The following DLX5 variants were observed in gnomAD, a reference collection of about 807,000 sequenced individuals.
The protein encoded by DLX5 is distal-less homeobox 5, also known as homeobox protein DLX-5.
In DLX5, 8 loss-of-function variants were observed where a neutral mutation model predicts 27.1. The observed-to-expected ratio is 0.30, with a 90% confidence interval of 0.17 to 0.53. The LOEUF is 0.53. DLX5 is among the 20% of genes least tolerant of loss of function. The pLI, the probability that DLX5 is intolerant of heterozygous loss-of-function variation, is 0.95. For synonymous variants in DLX5, 178 were observed against 161.9 expected, an observed-to-expected ratio of 1.10 and a Z score of -0.75; for missense variants, 339 against 375.1, an observed-to-expected ratio of 0.90 and a Z score of 0.80.
Position 97,024,693 on chromosome 7 carries a change from GC to G in DLX5, c.-71del. Reference sequence around the variant, plus strand: ...GGCAGCTGCCCTAGTTGGCTGTGGGGCTGCTCTGGTCTAAGCAGACATGGCT... The same window carrying G: ...GGCAGCTGCCCTAGTTGGCTGTGGGGTGCTCTGGTCTAAGCAGACATGGCT... On this transcript the variant is annotated 5_prime_UTR_variant, in exon 1 of 3. Coordinates refer to ENST00000648378, the MANE Select transcript of DLX5 (RefSeq NM_005221.6). The surrounding 1 kb of genome is among the most constrained non-coding windows in gnomAD (Gnocchi z 4.6). 3 of 1,356,828 alleles carry G rather than the reference GC, an allele frequency of 2.2e-6. No individual in the cohort carries two copies. The South Asian group carries it at 4.0e-5, about 18-fold the overall frequency. 84.0% of individuals were successfully genotyped at this position (1,356,828 alleles called of 1,614,324 possible).
chr7:97,021,868 G>T (rs1193764836), intron 2 of DLX5: 1 of 588,436 alleles, frequency 1.7e-6, no homozygotes, highest in Non-Finnish European at 3.0e-6. Flanking sequence ...AGCTGCTCTG[G>T]GCTGCCTAGG....
At chr7:97,021,807 C>G (rs766069095) in intron 2 of DLX5, among the ~76,000 whole-genome samples, 44 of 152,324 alleles carry the variant, frequency 2.9e-4, no homozygotes, top group Middle Eastern at 3.4e-3. Context: ...CGCGAGAACA[C>G]CAGGCCTTGC....
chr7:97,024,297 G>A lies in DLX5; in HGVS notation c.327C>T (p.Asn109=). Residue 109 remains asparagine, a synonymous_variant, in exon 1 of 3, where the codon AAC becomes AAT. Coordinates refer to ENST00000648378, the MANE Select transcript of DLX5 (RefSeq NM_005221.6). The surrounding 1 kb of genome is among the most constrained non-coding windows in gnomAD (Gnocchi z 4.6). ...SSYHQYGGAY[N]RVPSATNQPE... ...GCTGGTTGGTGGCGCTTGGGACGCG[G>A]TTGTAGGCGCCGCCGTACTGGTGGT... 3 of 1,614,026 alleles carry A rather than the reference G, an allele frequency of 1.9e-6. No homozygotes were observed. The highest frequency in any genetic ancestry group is 1.6e-4 in the Middle Eastern group (1 of 6,062).
rs1460070802 is a variant in DLX5 at position 97,024,580 on chromosome 7, C to T, written c.44G>A (p.Gly15Asp). Residue 15 changes from glycine to aspartate, a missense_variant, in exon 1 of 3, where the codon GGC becomes GAC. Physicochemically the swap from Gly to Asp is moderately conservative, Grantham distance 94. This residue lies in a region of DLX5 where 188 missense variants were observed against 206.1 expected (regional missense o/e 0.91). Transcript: ENST00000648378. This position sits in a 1 kb window ranked among gnomAD's most constrained non-coding sequence, Gnocchi z 4.6. ...FDRRVPSIRS[G>D]DFQAPFQTSA... Reference sequence around the variant, plus strand: ...CGTCTGGAACGGAGCTTGGAAGTCGCCGGATCGGATGCTGGGGACCCTTCT... The same window carrying T: ...CGTCTGGAACGGAGCTTGGAAGTCGTCGGATCGGATGCTGGGGACCCTTCT... 1 of 1,607,520 alleles carries T rather than the reference C, an allele frequency of 6.2e-7. No homozygotes were observed. The highest frequency in any genetic ancestry group is 1.7e-5 in the Admixed American group (1 of 59,868).
Position 97,020,528 on chromosome 7 carries a change from T to G in DLX5, c.*208A>C, listed in dbSNP as rs1299755872. ...TGAGGTCATAGATTTCAAGGCACCATTGAAAGTGTCCACAGTTGCGCAAAA... is the reference window on the plus strand; with the variant it reads ...TGAGGTCATAGATTTCAAGGCACCAGTGAAAGTGTCCACAGTTGCGCAAAA... On this transcript the variant is annotated 3_prime_UTR_variant, in exon 3 of 3. Transcript: ENST00000648378. The G allele has an allele frequency of 4.3e-6, 2 of 459,918 alleles. No homozygotes were observed. The highest frequency in any genetic ancestry group is 7.6e-6 in the Non-Finnish European group (2 of 264,800). 28.5% of individuals were successfully genotyped at this position (459,918 alleles called of 1,614,324 possible).
chr7:97,023,059 T>G (rs925965357), intron 1 of DLX5, among the ~76,000 whole-genome samples: 1 of 149,730 alleles, frequency 6.7e-6, no homozygotes, highest in Non-Finnish European at 1.5e-5. Context: ...CTTCCACTTA[T>G]GCACGGAATA....
At position 97,024,168 on chromosome 7, in the gene DLX5, C is replaced by G. The variant is rs1342999693; in HGVS notation, c.355+101G>C. 4 of 1,125,978 alleles carry G rather than the reference C, an allele frequency of 3.6e-6. No homozygotes were observed. The highest frequency in any genetic ancestry group is 5.0e-6 in the Non-Finnish European group (4 of 802,202). The allele number at this position is 1,125,978 out of a possible 1,614,324, so 69.7% of individuals were successfully genotyped here. On this transcript the variant is annotated intron_variant, in intron 1 of 2. Coordinates refer to ENST00000648378, the MANE Select transcript of DLX5 (RefSeq NM_005221.6). The surrounding 1 kb of genome is among the most constrained non-coding windows in gnomAD (Gnocchi z 4.6). ...TACTCCCTTCTGCCGCGTGCGCCCC[C>G]ACTGCCGTGAACCGCTGTGACCCCC...
intron 1 of DLX5, among the ~76,000 whole-genome samples, chr7:97,023,322 G>A (rs888905977): frequency 2.1e-5 from 3 of 146,054 alleles, no homozygotes; most frequent in African/African-American, 7.8e-5. Flanking sequence ...TGGAACTGAC[G>A]GAGAACCTCT....
rs1177802717 is a variant in DLX5, at chr7:97,024,187, G to A, written c.355+82C>T. ...CGCCCCCACTGCCGTGAACCGCTGTGACCCCCAATCTACCACCCCATCTCG... is the reference window on the plus strand; with the variant it reads ...CGCCCCCACTGCCGTGAACCGCTGTAACCCCCAATCTACCACCCCATCTCG... On this transcript the variant is annotated intron_variant, in intron 1 of 2. Coordinates refer to ENST00000648378, the MANE Select transcript of DLX5 (RefSeq NM_005221.6). The surrounding 1 kb of genome is among the most constrained non-coding windows in gnomAD (Gnocchi z 4.6). The A allele has an allele frequency of 2.2e-6, 3 of 1,363,532 alleles. No individual in the cohort carries two copies. The highest frequency in any genetic ancestry group is 4.5e-5 in the Admixed American group (2 of 44,258). The allele number at this position is 1,363,532 out of a possible 1,614,324, so 84.5% of individuals were successfully genotyped here. A position where few individuals can be genotyped will look rare whatever the true frequency, so the allele number is the denominator to read the frequency against.
rs1251970341 is a variant in DLX5, at chr7:97,021,801, A to AG, written c.540+383dup. ...CTTTTCTTAGCCTGAGACCACCGCG[A>AG]GAACACCAGGCCTTGCTCACCCCCG... On this transcript the variant is annotated intron_variant, in intron 2 of 2. Transcript: ENST00000648378. 2.6e-5 allele frequency among the ~76,000 whole-genome samples: 4 copies of AG among 152,260 alleles called. No individual in the cohort carries two copies. In the South Asian group the frequency reaches 6.2e-4, roughly 24 times the overall value.
intron 1 of DLX5, among the ~76,000 whole-genome samples, chr7:97,022,768 C>A (rs1790097864): frequency 6.6e-6 from 1 of 152,154 alleles, no homozygotes; most frequent in Non-Finnish European, 1.5e-5. Flanking sequence ...AGGAGGTGGC[C>A]CTGGGCCGTG....
chr7:97,022,093 C>T, intron 2 of DLX5, 92 bp downstream of exon 2: 2 of 1,487,224 alleles, frequency 1.3e-6, no homozygotes, highest in Non-Finnish European at 9.3e-7. Context: ...CGGGTACTGT[C>T]AAAACAGCTC....
chr7:97,022,405 A>C lies in DLX5; in HGVS notation c.356-36T>G, dbSNP rs777486759. On this transcript the variant is annotated intron_variant, in intron 1 of 2. Coordinates refer to ENST00000648378, the MANE Select transcript of DLX5 (RefSeq NM_005221.6). ...AAAACAGACTCAGTTAAAGCTTGTC[A>C]CCAGACAATGCCCCTTTTGCGGAAG... 1.9e-6 allele frequency: 3 copies of C among 1,609,604 alleles called. No homozygotes were observed. In the South Asian group the frequency reaches 3.3e-5, roughly 18 times the overall value.
chr7:97,020,658 T>C lies in DLX5; in HGVS notation c.*78A>G, dbSNP rs1790023963. 1 of 1,372,514 alleles carries C rather than the reference T, an allele frequency of 7.3e-7. No homozygotes were observed. Among genetic ancestry groups the C allele is most frequent in the Non-Finnish European group, 9.7e-7 (1 of 1,030,206 alleles). 85.0% of individuals were successfully genotyped at this position (1,372,514 alleles called of 1,614,324 possible). On this transcript the variant is annotated 3_prime_UTR_variant, in exon 3 of 3. Transcript: ENST00000648378. ...TTTCAGTTTTCCGAACTTCCCCATA[T>C]GAATTCCTTTCTTTATGATTTTCTA...
At chr7:97,021,645 G>C (rs976233636) in intron 2 of DLX5, among the ~76,000 whole-genome samples, 1 of 152,156 alleles carries the variant, frequency 6.6e-6, no homozygotes, top group Non-Finnish European at 1.5e-5. Flanking sequence ...AAAGGAATGG[G>C]ACAATCCAGG....
rs889381870 is a variant in DLX5, at chr7:97,020,677, T to C, written c.*59A>G. 2 of 1,432,520 alleles carry C rather than the reference T, an allele frequency of 1.4e-6. No homozygotes were observed. The highest frequency in any genetic ancestry group is 1.9e-6 in the Non-Finnish European group (2 of 1,078,898). The allele number at this position is 1,432,520 out of a possible 1,614,324, so 88.7% of individuals were successfully genotyped here. The stretch of plus-strand genomic sequence containing the variant: ...CCCATATGAATTCCTTTCTTTATGA[T>C]TTTCTAGAACAGCAAAACACAGTAG... On this transcript the variant is annotated 3_prime_UTR_variant, in exon 3 of 3. Coordinates refer to ENST00000648378, the MANE Select transcript of DLX5 (RefSeq NM_005221.6).
chr7:97,023,342 G>A lies in DLX5; in HGVS notation c.355+927C>T, dbSNP rs3779213. 6.6e-3 allele frequency among the ~76,000 whole-genome samples: 378 copies of A among 57,202 alleles called. 10 individuals carry two copies. The East Asian group carries it at 0.14, about 21-fold the overall frequency. The allele number at this position is 57,202 out of a possible 152,430, so 37.5% of individuals were successfully genotyped here. A position where few individuals can be genotyped will look rare whatever the true frequency, so the allele number is the denominator to read the frequency against. ...CTGACGGAGAACCTCTCCAGGGTGT[G>A]TGTGTGTGTGTGTGTGTGTGTGTGT... On this transcript the variant is annotated intron_variant, in intron 1 of 2. Coordinates refer to ENST00000648378, the MANE Select transcript of DLX5 (RefSeq NM_005221.6).
intron 2 of DLX5, among the ~76,000 whole-genome samples, chr7:97,021,284 C>T (rs930728905): frequency 6.6e-6 from 1 of 152,198 alleles, no homozygotes. Context: ...CGCCCCGGCC[C>T]AGCGAGGCCA....
At position 97,021,006 on chromosome 7, in the gene DLX5, C is replaced by T. The variant is rs555922212; in HGVS notation, c.600G>A (p.Glu200=). ...AGCTGGGACTGTGCTCCGGGGGCAT[C>T]TCCCCGTTTTTCATGATCTTCTTGA... ...SKIKKIMKNG[E]MPPEHSPSSS... is the part of the protein sequence containing the mutation. The change falls in exon 3 of 3, where the codon GAG becomes GAA. Residue 200 remains glutamate (E), a synonymous_variant. Transcript: ENST00000648378. The T allele has an allele frequency of 4.3e-6, 7 of 1,613,550 alleles. No individual in the cohort carries two copies. The South Asian group carries it at 7.7e-5, about 18-fold the overall frequency.
Sources: gnomAD v4.1 joint callset for allele counts (sites outside exome capture counted in the v4.1 genomes callset) on GRCh38, gnomAD v4.1.1 for gene constraint, gnomAD v4.1.1 regional missense constraint, Gnocchi (gnomAD v3.1) non-coding constraint, MANE v1.5 for transcripts, NCBI Gene and HGNC (gene_info 2026-07-23, HGNC 2026-07-21) for gene names.